Variants in PLEKHM3 observed in about 807,000 individuals in gnomAD.
PLEKHM3 encodes the protein pleckstrin homology domain containing M3.
In PLEKHM3, 45 loss-of-function variants were observed where a neutral mutation model predicts 81.8. The ratio of observed to expected loss-of-function variants is 0.55; its 90% confidence interval spans 0.43 to 0.71. The LOEUF is 0.71. Among genes scored for constraint, PLEKHM3 ranks in the 30% least tolerant of loss-of-function variants. The probability of loss-of-function intolerance (pLI) is 0.00; values close to 1 mark genes in which losing one functional copy is unlikely to be tolerated. For synonymous variants in PLEKHM3, 352 were observed against 356.4 expected, an observed-to-expected ratio of 0.99 and a Z score of 0.14; for missense variants, 788 against 924.3, an observed-to-expected ratio of 0.85 and a Z score of 1.91.
At position 207,861,229 on chromosome 2, in the gene PLEKHM3, T is replaced by C; in HGVS notation, c.1984A>G (p.Lys662Glu). 6.2e-7 allele frequency: 1 copy of C among 1,614,118 alleles called. No individual in the cohort carries two copies. Among genetic ancestry groups the C allele is most frequent in the Non-Finnish European group, 8.5e-7 (1 of 1,180,008 alleles). Reference sequence around the variant, plus strand: ...TGTGAGGTGGCAAATTTAATGACCTTGCCCAAGAATGGAGCCAGCTTTCCC... The same window carrying C: ...TGTGAGGTGGCAAATTTAATGACCTCGCCCAAGAATGGAGCCAGCTTTCCC... ...IEGKLAPFLGKVIKFATSHVY... is the reference protein window; with the variant it reads ...IEGKLAPFLGEVIKFATSHVY... The change falls in exon 7 of 8, where the codon AAG becomes GAG. Residue 662 changes from lysine (K) to glutamate (E), a missense_variant. Lys to Glu is a moderately conservative substitution (Grantham distance 56). Coordinates refer to ENST00000427836, the MANE Select transcript of PLEKHM3 (RefSeq NM_001080475.3).
intron 5 of PLEKHM3, among the ~76,000 whole-genome samples, chr2:207,923,905 A>ATATTTT (rs1396762429): frequency 8.1e-4 from 23 of 28,344 alleles, no homozygotes; most frequent in Admixed American, 2.3e-3. Context: ...ATATATATAT[A>ATATTTT]TTTTTTTTTT....
intron 1 of PLEKHM3, among the ~76,000 whole-genome samples, chr2:208,003,445 A>C (rs914728342): frequency 6.6e-6 from 1 of 152,220 alleles, no homozygotes; most frequent in Non-Finnish European, 1.5e-5. Context: ...CACTACATTT[A>C]TATCAACAGC....
At chr2:207,966,591 C>T (rs527448348) in intron 3 of PLEKHM3, among the ~76,000 whole-genome samples, 34 of 152,176 alleles carry the variant, frequency 2.2e-4, no homozygotes, top group African/African-American at 7.7e-4. Context: ...CTCCCTCTGT[C>T]GCCCAGGCTG....
intron 7 of PLEKHM3, among the ~76,000 whole-genome samples, chr2:207,830,506 G>C (rs555374849): frequency 2.6e-5 from 4 of 151,856 alleles, no homozygotes; most frequent in African/African-American, 9.7e-5. Context: ...CCAGCTACTC[G>C]GGAGGCTGAG....
chr2:207,830,398 G>A (rs1488638659), intron 7 of PLEKHM3, among the ~76,000 whole-genome samples: 5 of 152,022 alleles, frequency 3.3e-5, no homozygotes, highest in Non-Finnish European at 7.4e-5. Context: ...CGGATCACCC[G>A]AGGTCAGGAG....
intron 7 of PLEKHM3, among the ~76,000 whole-genome samples, chr2:207,847,271 A>G (rs1284053345): frequency 6.6e-6 from 1 of 152,262 alleles, no homozygotes; most frequent in Admixed American, 6.5e-5. Context: ...CAGTTATGTT[A>G]GCAGACATTC....
At chr2:207,992,535 C>T (rs1559273868) in intron 2 of PLEKHM3, among the ~76,000 whole-genome samples, 2 of 152,158 alleles carry the variant, frequency 1.3e-5, no homozygotes. Flanking sequence ...CATCACTATT[C>T]TGTCCTGATT....
intron 3 of PLEKHM3, among the ~76,000 whole-genome samples, chr2:207,973,207 A>C (rs1691185235): frequency 6.6e-6 from 1 of 152,264 alleles, no homozygotes; most frequent in Admixed American, 6.5e-5. Context: ...ATGAGGATGC[A>C]AAGTTAGAAG....
chr2:207,924,290 G>A (rs529926232), intron 5 of PLEKHM3, among the ~76,000 whole-genome samples: 15 of 152,260 alleles, frequency 9.9e-5, no homozygotes, highest in Admixed American at 6.5e-4. Context: ...AAACTAGTGA[G>A]TGATCTCCTC....
At chr2:207,876,894 AAGG>A (rs746868753) in intron 6 of PLEKHM3, among the ~76,000 whole-genome samples, 2 of 152,208 alleles carry the variant, frequency 1.3e-5, no homozygotes, top group Non-Finnish European at 2.9e-5. Flanking sequence ...TGAACAGTAA[AAGG>A]AGGAGAAACA....
chr2:207,988,281 G>C (rs1312706674), intron 2 of PLEKHM3, among the ~76,000 whole-genome samples: 1 of 152,184 alleles, frequency 6.6e-6, no homozygotes, highest in Non-Finnish European at 1.5e-5. Context: ...TAAGGCCACA[G>C]TTGCTGGAGC....
At chr2:207,876,921 A>AT (rs941737791) in intron 6 of PLEKHM3, among the ~76,000 whole-genome samples, 25 of 152,164 alleles carry the variant, frequency 1.6e-4, no homozygotes, top group Admixed American at 6.5e-5. Context: ...TTGGTATCAG[A>AT]TTTTTTTAGT....
intron 7 of PLEKHM3, among the ~76,000 whole-genome samples, chr2:207,831,371 C>T (rs1027465596): frequency 8.5e-5 from 13 of 152,240 alleles, no homozygotes; most frequent in African/African-American, 2.4e-4. Flanking sequence ...CCGAGCACCA[C>T]GCTGCCGGCT....
chr2:207,871,676 G>A (rs1202502771), intron 6 of PLEKHM3, among the ~76,000 whole-genome samples: 2 of 151,988 alleles, frequency 1.3e-5, no homozygotes, highest in Non-Finnish European at 2.9e-5. Flanking sequence ...AGTGCCTCAA[G>A]GGTTGTGGTT....
intron 1 of PLEKHM3, among the ~76,000 whole-genome samples, chr2:208,022,198 AGG>A (rs1420239619): frequency 6.6e-6 from 1 of 152,202 alleles, no homozygotes; most frequent in Non-Finnish European, 1.5e-5. Flanking sequence ...ACTGTTGAGG[AGG>A]ATTTTTGAAA....
chr2:207,964,370 T>C (rs1690843115), intron 3 of PLEKHM3, among the ~76,000 whole-genome samples: 1 of 152,154 alleles, frequency 6.6e-6, no homozygotes. Flanking sequence ...TACTCATGAT[T>C]CTAATGCAAA....
intron 4 of PLEKHM3, among the ~76,000 whole-genome samples, chr2:207,943,530 G>T (rs1459364308): frequency 6.6e-6 from 1 of 152,118 alleles, no homozygotes; most frequent in Non-Finnish European, 1.5e-5. Context: ...TAGATTCCTG[G>T]ACTTGCCAAA....
intron 6 of PLEKHM3, among the ~76,000 whole-genome samples, chr2:207,886,911 C>T (rs1353108728): frequency 6.6e-6 from 1 of 152,120 alleles, no homozygotes; most frequent in African/African-American, 2.4e-5. Flanking sequence ...CTGACCTTGC[C>T]ATGTACCAGC....
chr2:208,008,640 C>T (rs1321712172), intron 1 of PLEKHM3, among the ~76,000 whole-genome samples: 1 of 152,120 alleles, frequency 6.6e-6, no homozygotes, highest in Non-Finnish European at 1.5e-5. Context: ...CTCCTTGTTA[C>T]ACAGCCATTA....
Sources: gnomAD v4.1 joint callset for allele counts (sites outside exome capture counted in the v4.1 genomes callset) on GRCh38, gnomAD v4.1.1 for gene constraint, MANE v1.5 for transcripts, NCBI Gene and HGNC (gene_info 2026-07-23, HGNC 2026-07-21) for gene names.